GPD1L: variants seen among roughly 807,000 people sequenced by gnomAD.
GPD1L encodes the protein glycerol-3-phosphate dehydrogenase 1-like protein.
In GPD1L, 17 loss-of-function variants were observed where a neutral mutation model predicts 32.9. The ratio of observed to expected loss-of-function variants is 0.52; its 90% CI spans 0.35 to 0.78. The LOEUF is 0.78. GPD1L is among the 30% of genes least tolerant of loss of function. The pLI is 0.01. For synonymous variants in GPD1L, 187 were observed against 165.9 expected, an observed-to-expected ratio of 1.13 and a Z score of -0.98; for missense variants, 361 against 447.8, an observed-to-expected ratio of 0.81 and a Z score of 1.75.
intron 4 of GPD1L, among the ~76,000 whole-genome samples, chr3:32,145,034 G>A (rs1292274422): frequency 6.6e-6 from 1 of 151,274 alleles, no homozygotes; most frequent in East Asian, 2.0e-4. Flanking sequence ...AATAAAATTC[G>A]CGGGCCGGGT....
intron 1 of GPD1L, among the ~76,000 whole-genome samples, chr3:32,121,697 TTA>T (rs1553657554): frequency 1.1e-3 from 154 of 134,212 alleles, no homozygotes; most frequent in Non-Finnish European, 1.8e-3. Context: ...ATATATATAT[TTA>T]TATATATATT....
At chr3:32,123,879 A>G (rs1348787992) in intron 1 of GPD1L, among the ~76,000 whole-genome samples, 1 of 151,816 alleles carries the variant, frequency 6.6e-6, no homozygotes, top group African/African-American at 2.4e-5. Context: ...ATGCTTGTGT[A>G]GTGTTACAGA....
At chr3:32,128,035 A>T in intron 1 of GPD1L, 41 bp from the exon 2 acceptor site, 1 of 1,401,810 alleles carries the variant, frequency 7.1e-7, no homozygotes, top group Non-Finnish European at 1.0e-6. Flanking sequence ...TCTCCCGCCC[A>T]AGTGAGTTTA....
intron 3 of GPD1L, among the ~76,000 whole-genome samples, chr3:32,139,284 T>C (rs1325460055): frequency 1.3e-5 from 2 of 152,174 alleles, no homozygotes; most frequent in African/African-American, 4.8e-5. Context: ...TCTGAGACCT[T>C]GTCAATAGGA....
intron 7 of GPD1L, among the ~76,000 whole-genome samples, chr3:32,164,906 G>A (rs1322169119): frequency 2.0e-5 from 3 of 152,112 alleles, no homozygotes; most frequent in Admixed American, 1.3e-4. Flanking sequence ...CTATGTGTGT[G>A]TGTGTATTTA....
At position 32,121,533 on chromosome 3, in the gene GPD1L, C is replaced by CTA. The variant is rs1387968763; in HGVS notation, c.48-6541_48-6540dup. Reference sequence around the variant, plus strand: ...TATATATTTCTCTCTATATATATTTCTATGTATATATTTCTATATATATAT... The same window carrying CTA: ...TATATATTTCTCTCTATATATATTTCTATATGTATATATTTCTATATATATAT... On this transcript the variant is annotated intron_variant, in intron 1 of 7. Coordinates refer to ENST00000282541, the MANE Select transcript of GPD1L (RefSeq NM_015141.4). Among the ~76,000 whole-genome samples, 45 of 107,654 alleles carry CTA rather than the reference C, an allele frequency of 4.2e-4. 2 individuals are homozygous for CTA. The highest frequency in any genetic ancestry group is 3.4e-3 in the South Asian group (12 of 3,552). 70.6% of individuals were successfully genotyped at this position (107,654 alleles called of 152,430 possible). A position where few individuals can be genotyped will look rare whatever the true frequency, so the allele number is the denominator to read the frequency against.
intron 5 of GPD1L, among the ~76,000 whole-genome samples, chr3:32,157,369 G>A (rs1701008315): frequency 1.3e-5 from 2 of 151,940 alleles, no homozygotes; most frequent in Admixed American, 6.6e-5. Flanking sequence ...CTTTTGATGT[G>A]CTTTGTTGTG....
intron 5 of GPD1L, among the ~76,000 whole-genome samples, chr3:32,153,472 G>A (rs879577889): frequency 2.0e-5 from 3 of 152,188 alleles, no homozygotes; most frequent in Non-Finnish European, 4.4e-5. Flanking sequence ...ATTGGACAAC[G>A]CTCTTCCAGC....
intron 1 of GPD1L, among the ~76,000 whole-genome samples, chr3:32,108,964 C>T (rs552104418): frequency 6.6e-6 from 1 of 152,336 alleles, no homozygotes; most frequent in Non-Finnish European, 1.5e-5. Flanking sequence ...ATTCTCCTGC[C>T]TCAGCCTCCT....
In GPD1L at chr3:32,106,844, G is replaced by A; in HGVS notation, c.47+86G>A. 1 of 1,308,278 alleles carries A rather than the reference G, an allele frequency of 7.6e-7. No homozygotes were observed. The highest frequency in any genetic ancestry group is 1.6e-5 in the South Asian group (1 of 62,088). The allele number at this position is 1,308,278 out of a possible 1,614,324, so 81.0% of individuals were successfully genotyped here. A position where few individuals can be genotyped will look rare whatever the true frequency, so the allele number is the denominator to read the frequency against. On this transcript the variant is annotated intron_variant, in intron 1 of 7. Transcript: ENST00000282541. The surrounding 1 kb of genome is among the most constrained non-coding windows in gnomAD (Gnocchi z 4.0). ...TGAGGGCTGCGCGCCCCATGCTGCG[G>A]CGTGGGCACCGGGCACTGCGCGCAG...
intron 2 of GPD1L, among the ~76,000 whole-genome samples, chr3:32,136,757 A>G (rs1700666124): frequency 1.3e-5 from 2 of 151,556 alleles, no homozygotes; most frequent in African/African-American, 4.8e-5. Flanking sequence ...TCTTGGTCCC[A>G]TGTTTTTTGT....
In GPD1L at chr3:32,121,533, CTATGTATATATT is replaced by C. The variant is rs1475641868; in HGVS notation, c.48-6541_48-6530del. Among the ~76,000 whole-genome samples, 651 of 107,732 alleles carry C rather than the reference CTATGTATATATT, an allele frequency of 6.0e-3. 85 individuals carry two copies. Among genetic ancestry groups the C allele is most frequent in the East Asian group, 0.046 (120 of 2,598 alleles). 70.7% of individuals were successfully genotyped at this position (107,732 alleles called of 152,430 possible). A position where few individuals can be genotyped will look rare whatever the true frequency, so the allele number is the denominator to read the frequency against. ...TATATATTTCTCTCTATATATATTT[CTATGTATATATT>C]TCTATATATATATTTCTATGTATAT... On this transcript the variant is annotated intron_variant, in intron 1 of 7. Transcript: ENST00000282541.
chr3:32,133,968 A>C (rs899753817), intron 2 of GPD1L, among the ~76,000 whole-genome samples: 4 of 152,234 alleles, frequency 2.6e-5, no homozygotes, highest in Non-Finnish European at 2.9e-5. Flanking sequence ...CTGGGCATTA[A>C]GCAAACCAGC....
chr3:32,166,107 T>C lies in GPD1L; in HGVS notation c.*197T>C. 1.6e-6 allele frequency: 1 copy of C among 621,836 alleles called. No homozygotes were observed. Among genetic ancestry groups the C allele is most frequent in the South Asian group, 1.9e-5 (1 of 53,608 alleles). 38.5% of individuals were successfully genotyped at this position (621,836 alleles called of 1,614,324 possible). A position where few individuals can be genotyped will look rare whatever the true frequency, so the allele number is the denominator to read the frequency against. On this transcript the variant is annotated 3_prime_UTR_variant, in exon 8 of 8. Transcript: ENST00000282541. ...GTACTGGGCAGTAACTAAACACACA[T>C]GCAAACATGTGAATGGTGGTTTATT...
chr3:32,167,120 T>G lies in GPD1L; in HGVS notation c.*1210T>G, dbSNP rs1339650111. 1 of 152,170 alleles carries G rather than the reference T, an allele frequency of 6.6e-6. No individual in the cohort carries two copies. The highest frequency in any genetic ancestry group is 1.9e-4 in the East Asian group (1 of 5,196). 9.4% of individuals were successfully genotyped at this position (152,170 alleles called of 1,614,324 possible). Reference sequence around the variant, plus strand: ...GAACCACTACTTTAGAAAATCTGCTTTAACTTGGTATTCCTCTAATTGTGT... The same window carrying G: ...GAACCACTACTTTAGAAAATCTGCTGTAACTTGGTATTCCTCTAATTGTGT... On this transcript the variant is annotated 3_prime_UTR_variant, in exon 8 of 8. Coordinates refer to ENST00000282541, the MANE Select transcript of GPD1L (RefSeq NM_015141.4).
intron 5 of GPD1L, among the ~76,000 whole-genome samples, chr3:32,147,956 C>G (rs968208578): frequency 1.3e-5 from 2 of 152,344 alleles, no homozygotes; most frequent in Admixed American, 1.3e-4. Flanking sequence ...AGGGAGCACA[C>G]ATGCATATTT....
chr3:32,141,917 C>A (rs1306070058), intron 4 of GPD1L, among the ~76,000 whole-genome samples: 1 of 152,204 alleles, frequency 6.6e-6, no homozygotes, highest in East Asian at 1.9e-4. Context: ...GCATAGTACC[C>A]CACAGGTAGT....
chr3:32,112,630 C>T (rs1575105965), intron 1 of GPD1L, among the ~76,000 whole-genome samples: 2 of 152,096 alleles, frequency 1.3e-5, no homozygotes, highest in Middle Eastern at 3.4e-3. Flanking sequence ...GGAGGGAAAC[C>T]CTATCTCAAA....
At chr3:32,161,060 C>T (rs1701067932) in intron 7 of GPD1L, among the ~76,000 whole-genome samples, 2 of 152,242 alleles carry the variant, frequency 1.3e-5, no homozygotes, top group African/African-American at 4.8e-5. Context: ...GGAGGAGGGT[C>T]GTGGATGTTG....
Sources: allele counts gnomAD v4.1 joint callset (sites outside exome capture counted in the v4.1 genomes callset), GRCh38; gene constraint gnomAD v4.1.1; non-coding constraint Gnocchi (gnomAD v3.1); transcripts MANE v1.5; gene names NCBI Gene and HGNC (gene_info 2026-07-23, HGNC 2026-07-21).